The following SBF2 variants were observed in gnomAD, a reference collection of about 807,000 sequenced individuals.
The protein encoded by SBF2 is SET binding factor 2.
Under a neutral mutation model 225.2 loss-of-function variants are expected in SBF2, and 112 were observed. The observed-to-expected ratio is 0.50, with a 90% CI of 0.43 to 0.58. The LOEUF (loss-of-function observed/expected upper bound fraction) is 0.58. Ranked by LOEUF, SBF2 falls within the 20% of genes least tolerant of loss-of-function variation. The pLI, the probability that SBF2 is intolerant of heterozygous loss-of-function variation, is 0.00. For synonymous variants in SBF2, 763 were observed against 773.3 expected, an observed-to-expected ratio of 0.99 and a Z score of 0.22; for missense variants, 1,996 against 2,206.2, an observed-to-expected ratio of 0.90 and a Z score of 1.91.
In SBF2 at chr11:9,968,357, T is replaced by C. The variant is rs778311686; in HGVS notation, c.1584A>G (p.Pro528=). ...AATACATACCAACAGGTGGACCTGC[T>C]GGCACAACACATTTCTTTTCTATTC... ...ATRIEKKCVV[P]AGPPVVSIMD... is the part of the protein sequence containing the mutation. Residue 528 remains proline, a synonymous_variant, in exon 14 of 40, where the codon CCA becomes CCG. Coordinates refer to ENST00000256190, the MANE Select transcript of SBF2 (RefSeq NM_030962.4). The C allele has an allele frequency of 1.5e-5, 24 of 1,614,158 alleles. No individual in the cohort carries two copies. Among genetic ancestry groups the C allele is most frequent in the Non-Finnish European group, 1.9e-5 (23 of 1,180,006 alleles).
intron 16 of SBF2, among the ~76,000 whole-genome samples, chr11:9,898,106 A>C (rs900915737): frequency 6.6e-6 from 1 of 152,112 alleles, no homozygotes; most frequent in Non-Finnish European, 1.5e-5. Flanking sequence ...GAAGAGTCAG[A>C]AGGGAAATAG....
intron 2 of SBF2, among the ~76,000 whole-genome samples, chr11:10,188,797 A>T (rs886292509): frequency 6.6e-6 from 1 of 152,350 alleles, no homozygotes; most frequent in South Asian, 2.1e-4. Flanking sequence ...GGGAGTGGGT[A>T]CCAAAAATAT....
chr11:10,228,754 T>C (rs1361573282), intron 1 of SBF2, among the ~76,000 whole-genome samples: 1 of 152,244 alleles, frequency 6.6e-6, no homozygotes, highest in African/African-American at 2.4e-5. Context: ...GCATCAATGT[T>C]CATCAAGGAT....
In SBF2 at chr11:10,155,265, C is replaced by T. The variant is rs11042648; in HGVS notation, c.141+38637G>A. ...TAGTCCACAATTTAAATCATTTTCC[C>T]GCATTAGAGAATAGTAAAATGTAAG... On this transcript the variant is annotated intron_variant, in intron 2 of 39. Transcript: ENST00000256190. 8.7e-3 allele frequency among the ~76,000 whole-genome samples: 1,324 copies of T among 152,154 alleles called. 8 individuals carry two copies. Among genetic ancestry groups the T allele is most frequent in the Non-Finnish European group, 0.015 (1,026 of 67,974 alleles).
intron 29 of SBF2, 159 bp from the exon 30 acceptor site, chr11:9,812,867 A>G: frequency 1.4e-6 from 1 of 720,246 alleles, no homozygotes; most frequent in Non-Finnish European, 2.4e-6. Flanking sequence ...GCAATGTGTC[A>G]GTGTTGGTGG....
chr11:9,965,530 C>T (rs935726664), intron 14 of SBF2, among the ~76,000 whole-genome samples: 1 of 152,122 alleles, frequency 6.6e-6, no homozygotes, highest in Non-Finnish European at 1.5e-5. Flanking sequence ...TCAGGTGATA[C>T]GCCGACCTCG....
intron 16 of SBF2, among the ~76,000 whole-genome samples, chr11:9,930,196 G>A (rs897231019): frequency 6.6e-6 from 1 of 152,032 alleles, no homozygotes; most frequent in Non-Finnish European, 1.5e-5. Context: ...ATGTGTTTGA[G>A]CCTAGTTATA....
chr11:10,079,044 TGAA>T (rs1280602298), intron 2 of SBF2, among the ~76,000 whole-genome samples: 2 of 151,754 alleles, frequency 1.3e-5, no homozygotes, highest in Non-Finnish European at 1.5e-5. Context: ...AGATGCATCC[TGAA>T]GAAGAAAAAA....
intron 26 of SBF2, among the ~76,000 whole-genome samples, chr11:9,834,011 C>A (rs1237029496): frequency 2.1e-5 from 3 of 146,052 alleles, no homozygotes; most frequent in East Asian, 2.1e-4. Context: ...TCAGGTGATC[C>A]ACCTGCCTCG....
At chr11:9,896,842 GA>G (rs1295385183) in intron 16 of SBF2, among the ~76,000 whole-genome samples, 1 of 151,390 alleles carries the variant, frequency 6.6e-6, no homozygotes, top group Non-Finnish European at 1.5e-5. Context: ...GATCAGACAA[GA>G]TATATCACTG....
chr11:10,117,073 A>C (rs1333927393), intron 2 of SBF2, among the ~76,000 whole-genome samples: 1 of 152,212 alleles, frequency 6.6e-6, no homozygotes, highest in East Asian at 1.9e-4. Context: ...TAAATATTTC[A>C]AGCTAGTCAA....
At chr11:9,874,108 T>C (rs1859016748) in intron 17 of SBF2, among the ~76,000 whole-genome samples, 1 of 152,054 alleles carries the variant, frequency 6.6e-6, no homozygotes, top group Non-Finnish European at 1.5e-5. Context: ...AGCTTTAGAG[T>C]TTAAATCCTC....
intron 16 of SBF2, among the ~76,000 whole-genome samples, chr11:9,900,556 C>T (rs778906117): frequency 1.3e-5 from 2 of 152,166 alleles, no homozygotes; most frequent in Admixed American, 6.5e-5. Flanking sequence ...GGGCCACGTG[C>T]GTCAGGGATA....
chr11:9,999,257 T>TG (rs2134500201), intron 8 of SBF2, among the ~76,000 whole-genome samples: 1 of 152,206 alleles, frequency 6.6e-6, no homozygotes, highest in East Asian at 1.9e-4. Context: ...TGGCAACACT[T>TG]GGTTGGTCCT....
At chr11:10,147,065 A>T (rs1448506247) in intron 2 of SBF2, among the ~76,000 whole-genome samples, 1 of 152,022 alleles carries the variant, frequency 6.6e-6, no homozygotes, top group African/African-American at 2.4e-5. Flanking sequence ...AAAAAAAAAA[A>T]AAATAGATGC....
intron 2 of SBF2, among the ~76,000 whole-genome samples, chr11:10,043,477 A>G (rs1214191818): frequency 6.6e-6 from 1 of 152,226 alleles, no homozygotes; most frequent in Non-Finnish European, 1.5e-5. Flanking sequence ...AAAAAAGAGG[A>G]ATCATAGAAT....
chr11:10,082,115 A>C (rs2134870676), intron 2 of SBF2, among the ~76,000 whole-genome samples: 1 of 152,312 alleles, frequency 6.6e-6, no homozygotes, highest in East Asian at 1.9e-4. Context: ...CTACATTCAC[A>C]AACTAGAAAA....
chr11:9,930,334 T>A (rs946736424), intron 16 of SBF2, among the ~76,000 whole-genome samples: 1 of 152,142 alleles, frequency 6.6e-6, no homozygotes, highest in Non-Finnish European at 1.5e-5. Context: ...TACATCAAAA[T>A]AATGATGCTG....
upstream of SBF2, among the ~76,000 whole-genome samples, chr11:10,298,107 T>C (rs1476486828): frequency 6.6e-6 from 1 of 152,152 alleles, no homozygotes; most frequent in Non-Finnish European, 1.5e-5. Flanking sequence ...GAAGACGAAA[T>C]AGATGGAATG....
Sources: allele counts gnomAD v4.1 joint callset (sites outside exome capture counted in the v4.1 genomes callset), GRCh38; gene constraint gnomAD v4.1.1; transcripts MANE v1.5; gene names NCBI Gene and HGNC (gene_info 2026-07-23, HGNC 2026-07-21).